GLYR1: variants seen among roughly 807,000 people sequenced by gnomAD.
GLYR1 encodes the protein glyoxylate reductase 1 homolog.
A neutral mutation model predicts 72.7 loss-of-function variants in GLYR1; 21 were observed. That is an observed-to-expected ratio of 0.29 (90% CI 0.20 to 0.42). The LOEUF (loss-of-function observed/expected upper bound fraction) is 0.42, where lower values mean the gene tolerates loss of function less well. Among genes scored for constraint, GLYR1 ranks in the 10% least tolerant of loss-of-function variants. The probability of loss-of-function intolerance (pLI) is 1.00; values close to 1 mark genes in which losing one functional copy is unlikely to be tolerated. For missense variants in GLYR1, 594 were observed against 712.1 expected, an observed-to-expected ratio of 0.83 and a Z score of 1.89; for synonymous variants, 392 against 270.2, an observed-to-expected ratio of 1.45 and a Z score of -4.42.
At chr16:4,807,670 C>A (rs924180301) in intron 15 of GLYR1, among the ~76,000 whole-genome samples, 1 of 152,186 alleles carries the variant, frequency 6.6e-6, no homozygotes, top group Non-Finnish European at 1.5e-5. Context: ...TGCTTCCAAG[C>A]CAATGAATCC....
In GLYR1 at chr16:4,843,707, C is replaced by A. The variant is rs140248964; in HGVS notation, c.155+1367G>T. 111 of 1,168,272 alleles carry A rather than the reference C, an allele frequency of 9.5e-5. 1 individual carries two copies. The African/African-American group carries it at 1.6e-3, about 17-fold the overall frequency. 72.4% of individuals were successfully genotyped at this position (1,168,272 alleles called of 1,614,324 possible). On this transcript the variant is annotated intron_variant, in intron 3 of 15. Coordinates refer to ENST00000321919, the MANE Select transcript of GLYR1 (RefSeq NM_032569.4). The stretch of plus-strand genomic sequence containing the variant: ...TTCTAAGTAGAAATACTTTAACCGT[C>A]AGAATTAGATTTACCAGAGAAGCCA...
chr16:4,834,295 CTTTTTTTTTT>C (rs778256795), intron 3 of GLYR1, among the ~76,000 whole-genome samples: 2 of 118,356 alleles, frequency 1.7e-5, no homozygotes, highest in African/African-American at 3.5e-5. Flanking sequence ...AGGCAAATTC[CTTTTTTTTTT>C]TTTTTTTTTT....
At chr16:4,820,060 C>G (rs984256724) in intron 9 of GLYR1, among the ~76,000 whole-genome samples, 1 of 152,048 alleles carries the variant, frequency 6.6e-6, no homozygotes, top group Non-Finnish European at 1.5e-5. Context: ...TGCAGTGGTG[C>G]GATCTTGGCT....
intron 9 of GLYR1, 108 bp downstream of exon 9, chr16:4,821,272 T>A: frequency 9.2e-7 from 1 of 1,083,466 alleles, no homozygotes; most frequent in Non-Finnish European, 1.4e-6. Flanking sequence ...TTCCATTCAA[T>A]GCCAGCAATG....
chr16:4,811,827 C>T (rs1032185084), intron 13 of GLYR1, 25 bp from the exon 14 acceptor site: 6 of 1,601,416 alleles, frequency 3.7e-6, no homozygotes, highest in Non-Finnish European at 5.1e-6. Context: ...GACTCACGGT[C>T]ACAGCCCAAG....
intron 3 of GLYR1, among the ~76,000 whole-genome samples, chr16:4,838,167 A>AC (rs1239960742): frequency 6.6e-6 from 1 of 152,154 alleles, no homozygotes; most frequent in Non-Finnish European, 1.5e-5. Context: ...ACCAGAAAAA[A>AC]ACACACACAA....
At chr16:4,838,627 C>T (rs961154418) in intron 3 of GLYR1, among the ~76,000 whole-genome samples, 2 of 151,676 alleles carry the variant, frequency 1.3e-5, no homozygotes, top group South Asian at 2.1e-4. Flanking sequence ...CACTCTGTTG[C>T]CCAGGCTGGA....
chr16:4,825,927 C>T (rs1015168331), intron 5 of GLYR1, among the ~76,000 whole-genome samples: 1 of 152,204 alleles, frequency 6.6e-6, no homozygotes, highest in African/African-American at 2.4e-5. Context: ...GCTGGGATTA[C>T]AGGCGTGAGC....
intron 10 of GLYR1, among the ~76,000 whole-genome samples, 163 bp from the exon 11 acceptor site, chr16:4,814,810 G>A (rs775389776): frequency 1.3e-5 from 2 of 152,250 alleles, no homozygotes; most frequent in Non-Finnish European, 2.9e-5. Flanking sequence ...TTGGGGAAGT[G>A]CACGGGGCCT....
intron 3 of GLYR1, chr16:4,843,561 C>A (rs1175143181): frequency 7.8e-7 from 1 of 1,289,148 alleles, no homozygotes; most frequent in Non-Finnish European, 1.0e-6. Flanking sequence ...CCACCACAGG[C>A]TGCTAAGCTG....
rs1403547148 is a variant in GLYR1 at position 4,817,704 on chromosome 16, C to CA, written c.807-8dup. The CA allele has an allele frequency of 1.9e-6, 3 of 1,553,748 alleles. No individual in the cohort carries two copies. Among genetic ancestry groups the CA allele is most frequent in the African/African-American group, 2.7e-5 (2 of 73,718 alleles). ...AAGGCCCAAAAATCCTATCCTGAAACAGAGAGAGACTGATGAGTTCAGGGT... is the reference window on the plus strand; with the variant it reads ...AAGGCCCAAAAATCCTATCCTGAAACAAGAGAGAGACTGATGAGTTCAGGGT... On this transcript the variant is annotated splice_polypyrimidine_tract_variant and splice_region_variant and intron_variant, in intron 9 of 15. Transcript: ENST00000321919.
intron 10 of GLYR1, among the ~76,000 whole-genome samples, 176 bp downstream of exon 10, chr16:4,817,422 G>C (rs2083717314): frequency 6.6e-6 from 1 of 152,010 alleles, no homozygotes; most frequent in Non-Finnish European, 1.5e-5. Context: ...CCAGGCAAAT[G>C]TTTAGGTTTT....
At chr16:4,813,139 AT>A (rs1172876097) in intron 12 of GLYR1, among the ~76,000 whole-genome samples, 1 of 151,072 alleles carries the variant, frequency 6.6e-6, no homozygotes, top group African/African-American at 2.4e-5. Flanking sequence ...ATTTTTTTGT[AT>A]TTTTAGTAGA....
chr16:4,824,397 G>A (rs1338778466), intron 5 of GLYR1, among the ~76,000 whole-genome samples: 1 of 151,568 alleles, frequency 6.6e-6, no homozygotes, highest in African/African-American at 2.4e-5. Flanking sequence ...CTACTCCAGA[G>A]GTTGAGGCAG....
rs777494148 is a variant in GLYR1, at chr16:4,817,706, G to C, written c.807-9C>G. ...GGCCCAAAAATCCTATCCTGAAACA[G>C]AGAGAGACTGATGAGTTCAGGGTGG... is the stretch of plus-strand genomic sequence containing the variant. On this transcript the variant is annotated splice_polypyrimidine_tract_variant and intron_variant, in intron 9 of 15. Transcript: ENST00000321919. The C allele has an allele frequency of 3.9e-6, 6 of 1,542,478 alleles. No homozygotes were observed. Among genetic ancestry groups the C allele is most frequent in the South Asian group, 2.2e-5 (2 of 89,638 alleles).
rs543822605 is a variant in GLYR1 at position 4,842,390 on chromosome 16, C to T, written c.155+2684G>A. 3.3e-5 allele frequency among the ~76,000 whole-genome samples: 5 copies of T among 152,318 alleles called. No individual in the cohort carries two copies. The East Asian group carries it at 9.6e-4, about 29-fold the overall frequency. ...TTTAAGACAGGGTCTAGCTCTGTCA[C>T]CCAGACTGGAGTGCAATATTGTGAT... On this transcript the variant is annotated intron_variant, in intron 3 of 15. Transcript: ENST00000321919.
chr16:4,809,834 G>T (rs752575096), intron 15 of GLYR1, among the ~76,000 whole-genome samples: 1 of 151,856 alleles, frequency 6.6e-6, no homozygotes, highest in South Asian at 2.1e-4. Context: ...TGAGGCATGA[G>T]AATCGCTTGA....
chr16:4,804,933 C>CTCTGTG lies in GLYR1; in HGVS notation c.*302_*303insCACAGA, dbSNP rs373831597. 5 of 297,430 alleles carry CTCTGTG rather than the reference C, an allele frequency of 1.7e-5. No homozygotes were observed. Among genetic ancestry groups the CTCTGTG allele is most frequent in the Non-Finnish European group, 3.3e-5 (5 of 153,752 alleles). 18.4% of individuals were successfully genotyped at this position (297,430 alleles called of 1,614,324 possible). A position where few individuals can be genotyped will look rare whatever the true frequency, so the allele number is the denominator to read the frequency against. Reference sequence around the variant, plus strand: ...GCAGCTTCTATCCTGGGGCGAGAGCCTGTGTGTGTGTGTGTGTGTGTGTGT... The same window carrying CTCTGTG: ...GCAGCTTCTATCCTGGGGCGAGAGCCTCTGTGTGTGTGTGTGTGTGTGTGTGTGTGT... On this transcript the variant is annotated 3_prime_UTR_variant, in exon 16 of 16. Transcript: ENST00000321919.
intron 9 of GLYR1, among the ~76,000 whole-genome samples, chr16:4,820,660 G>C (rs540362886): frequency 2.0e-5 from 3 of 152,308 alleles, no homozygotes; most frequent in South Asian, 4.1e-4. Context: ...ACTGTTTTTA[G>C]TCTGGGGAAG....
Sources: allele counts gnomAD v4.1 joint callset (sites outside exome capture counted in the v4.1 genomes callset), GRCh38; gene constraint gnomAD v4.1.1; transcripts MANE v1.5; gene names NCBI Gene and HGNC (gene_info 2026-07-23, HGNC 2026-07-21).